MYO1D: variants seen among roughly 807,000 people sequenced by gnomAD.
The protein encoded by MYO1D is myosin ID, also known as unconventional myosin-Id.
MYO1D carries 83 observed loss-of-function variants against 122.0 expected under a neutral mutation model. That is an observed-to-expected ratio of 0.68 (90% CI 0.57 to 0.82). The LOEUF is 0.82. MYO1D is among the 40% of genes least tolerant of loss of function. MYO1D has a pLI of 0.00. For synonymous variants in MYO1D, 464 were observed against 446.9 expected (o/e 1.04, Z -0.48); for missense variants, 1,157 against 1,269.5 (o/e 0.91, Z 1.35).
chr17:32,782,228 A>G (rs2090246083), intron 1 of MYO1D, among the ~76,000 whole-genome samples: 1 of 152,240 alleles, frequency 6.6e-6, no homozygotes, highest in Non-Finnish European at 1.5e-5. Context: ...TCAAGTATTT[A>G]GAGTATTTTA....
chr17:32,560,099 T>C (rs748770413), intron 21 of MYO1D, among the ~76,000 whole-genome samples: 2 of 152,046 alleles, frequency 1.3e-5, no homozygotes, highest in Non-Finnish European at 2.9e-5. Context: ...CTACTAAAAA[T>C]ACAAAATTAG....
intron 21 of MYO1D, among the ~76,000 whole-genome samples, chr17:32,570,783 C>T (rs2087218813): frequency 6.6e-6 from 1 of 152,234 alleles, no homozygotes; most frequent in East Asian, 1.9e-4. Flanking sequence ...GATTGATCTG[C>T]ACAGATGGAT....
intron 13 of MYO1D, among the ~76,000 whole-genome samples, chr17:32,742,903 T>G (rs2151005386): frequency 6.6e-6 from 1 of 152,316 alleles, no homozygotes; most frequent in Admixed American, 6.5e-5. Flanking sequence ...AATGAGATAT[T>G]TGTCTTCAAT....
chr17:32,556,546 C>A lies in MYO1D; in HGVS notation c.2864+48541G>T, dbSNP rs190709993. Among the ~76,000 whole-genome samples the A allele has an allele frequency of 2.4e-5, 3 of 122,890 alleles. No homozygotes were observed. In the East Asian group the frequency reaches 8.2e-4, roughly 33 times the overall value. The allele number at this position is 122,890 out of a possible 152,430, so 80.6% of individuals were successfully genotyped here. On this transcript the variant is annotated intron_variant, in intron 21 of 21. Coordinates refer to ENST00000318217, the MANE Select transcript of MYO1D (RefSeq NM_015194.3). ...AACCGTGCAGACACAGGGTTTATGGCCACAATTTTTTTTTTTTTTTTTAAG... is the reference window on the plus strand; with the variant it reads ...AACCGTGCAGACACAGGGTTTATGGACACAATTTTTTTTTTTTTTTTTAAG...
chr17:32,533,784 C>G (rs1246215810), intron 21 of MYO1D, among the ~76,000 whole-genome samples: 1 of 152,156 alleles, frequency 6.6e-6, no homozygotes, highest in Non-Finnish European at 1.5e-5. Context: ...ATAACACACA[C>G]TTTCTTCTTT....
chr17:32,662,134 C>T (rs778042527), intron 16 of MYO1D, among the ~76,000 whole-genome samples: 10 of 152,196 alleles, frequency 6.6e-5, no homozygotes, highest in Non-Finnish European at 1.2e-4. Context: ...ATCCACTGAA[C>T]AGTTCCCTAT....
At chr17:32,663,001 T>G (rs543544344) in intron 16 of MYO1D, among the ~76,000 whole-genome samples, 1 of 149,308 alleles carries the variant, frequency 6.7e-6, no homozygotes, top group South Asian at 2.2e-4. Context: ...CACTGCAAGC[T>G]CCACCTCCTG....
chr17:32,808,259 T>C (rs2090536691), intron 1 of MYO1D, among the ~76,000 whole-genome samples: 1 of 151,804 alleles, frequency 6.6e-6, no homozygotes, highest in African/African-American at 2.4e-5. Flanking sequence ...CCTGTGGTCC[T>C]AGTTACTCAG....
intron 16 of MYO1D, among the ~76,000 whole-genome samples, chr17:32,705,017 G>A (rs144760589): frequency 1.1e-3 from 161 of 151,922 alleles, no homozygotes; most frequent in African/African-American, 3.8e-3. Context: ...AATCTAGATG[G>A]TTATTTCTTT....
At chr17:32,549,163 G>C (rs1434819929) in intron 21 of MYO1D, among the ~76,000 whole-genome samples, 7 of 152,180 alleles carry the variant, frequency 4.6e-5, no homozygotes, top group Non-Finnish European at 7.3e-5. Flanking sequence ...TGCCATCTCA[G>C]CTCACTGCAA....
chr17:32,866,501 T>C (rs1638971175), intron 1 of MYO1D, among the ~76,000 whole-genome samples: 1 of 152,184 alleles, frequency 6.6e-6, no homozygotes, highest in Non-Finnish European at 1.5e-5. Flanking sequence ...TAACATACTG[T>C]AAAGTTATTT....
At chr17:32,521,687 C>T (rs1361607080) in intron 21 of MYO1D, among the ~76,000 whole-genome samples, 2 of 152,204 alleles carry the variant, frequency 1.3e-5, no homozygotes, top group South Asian at 4.1e-4. Flanking sequence ...CGGTGGCGCA[C>T]GCCCATAATC....
At chr17:32,674,091 T>C (rs1472591926) in intron 16 of MYO1D, among the ~76,000 whole-genome samples, 1 of 152,218 alleles carries the variant, frequency 6.6e-6, no homozygotes, top group African/African-American at 2.4e-5. Context: ...TGTATGAAGC[T>C]TGAATTCCTG....
chr17:32,503,505 G>A (rs1326759385), intron 21 of MYO1D, among the ~76,000 whole-genome samples: 1 of 152,254 alleles, frequency 6.6e-6, no homozygotes, highest in Non-Finnish European at 1.5e-5. Context: ...GAAGTGGGGT[G>A]CAGTGCAGTC....
intron 21 of MYO1D, among the ~76,000 whole-genome samples, chr17:32,553,098 C>CAA (rs1174728053): frequency 2.6e-4 from 29 of 110,138 alleles, no homozygotes; most frequent in African/African-American, 1.1e-3. Context: ...AAACAAAAAA[C>CAA]AAAACAAAAA....
chr17:32,537,243 C>T (rs765559052), intron 21 of MYO1D, among the ~76,000 whole-genome samples: 2 of 152,132 alleles, frequency 1.3e-5, no homozygotes, highest in Middle Eastern at 3.2e-3. Flanking sequence ...ATGAGGGCCA[C>T]GATTTATTCT....
chr17:32,798,523 T>C (rs903841988), intron 1 of MYO1D, among the ~76,000 whole-genome samples: 8 of 152,162 alleles, frequency 5.3e-5, no homozygotes, highest in Non-Finnish European at 1.0e-4. Flanking sequence ...GTTGGGAGTG[T>C]CTGGAGGCAC....
At chr17:32,589,294 T>A (rs757307393) in intron 21 of MYO1D, among the ~76,000 whole-genome samples, 1 of 152,212 alleles carries the variant, frequency 6.6e-6, no homozygotes, top group African/African-American at 2.4e-5. Context: ...TCTCTCTTAC[T>A]GAACCCAACT....
At chr17:32,526,965 T>G (rs1910363593) in intron 21 of MYO1D, among the ~76,000 whole-genome samples, 1 of 152,242 alleles carries the variant, frequency 6.6e-6, no homozygotes, top group Non-Finnish European at 1.5e-5. Flanking sequence ...AAATCTCCAC[T>G]AACATTCCTC....
Sources: allele counts gnomAD v4.1 joint callset (sites outside exome capture counted in the v4.1 genomes callset), GRCh38; gene constraint gnomAD v4.1.1; transcripts MANE v1.5; gene names NCBI Gene and HGNC (gene_info 2026-07-23, HGNC 2026-07-21).